The following GRID2 variants were observed in gnomAD, a reference collection of about 807,000 sequenced individuals.
GRID2 encodes the protein glutamate receptor ionotropic, delta-2.
Under a neutral mutation model 114.8 loss-of-function variants are expected in GRID2, and 33 were observed. The observed-to-expected ratio is 0.29, with a 90% CI of 0.22 to 0.38. The LOEUF is 0.38. Ranked by LOEUF, GRID2 falls within the 10% of genes least tolerant of loss-of-function variation. The pLI, the probability that GRID2 is intolerant of heterozygous loss-of-function variation, is 1.00. For missense variants in GRID2, 1,184 were observed against 1,257.7 expected (o/e 0.94, Z 0.89); for synonymous variants, 505 against 449.9 (o/e 1.12, Z -1.55).
chr4:92,984,630 G>T (rs1240184307), intron 2 of GRID2, among the ~76,000 whole-genome samples: 1 of 152,158 alleles, frequency 6.6e-6, no homozygotes, highest in African/African-American at 2.4e-5. Context: ...GGAATCCATG[G>T]CCAAGAGAAG....
chr4:92,314,367 A>T (rs1725860014), intron 1 of GRID2, among the ~76,000 whole-genome samples: 1 of 152,178 alleles, frequency 6.6e-6, no homozygotes. Context: ...GTGGTATTAA[A>T]ATGCATAAAA....
chr4:92,323,300 G>A lies in GRID2; in HGVS notation c.88+18556G>A, dbSNP rs188979620. ...CATAAGTGTATATACATTTTTAAAAGGCTATTTGTTATAGATAATAACTAT... is the reference window on the plus strand; with the variant it reads ...CATAAGTGTATATACATTTTTAAAAAGCTATTTGTTATAGATAATAACTAT... On this transcript the variant is annotated intron_variant, in intron 1 of 15. Transcript: ENST00000282020. Among the ~76,000 whole-genome samples the A allele has an allele frequency of 2.2e-3, 338 of 152,124 alleles. 2 individuals are homozygous for A. Among genetic ancestry groups the A allele is most frequent in the Admixed American group, 4.4e-3 (67 of 15,230 alleles).
chr4:92,329,046 G>A (rs533855709), intron 1 of GRID2, among the ~76,000 whole-genome samples: 8 of 152,042 alleles, frequency 5.3e-5, no homozygotes, highest in African/African-American at 1.7e-4. Flanking sequence ...CTGTGTGCAC[G>A]TGTATATATA....
intron 1 of GRID2, among the ~76,000 whole-genome samples, chr4:92,573,161 T>A (rs1046950874): frequency 4.6e-5 from 7 of 152,166 alleles, no homozygotes; most frequent in Non-Finnish European, 1.0e-4. Context: ...TTGGGGTCAG[T>A]GGTGATATCT....
chr4:92,752,870 T>TA (rs1737520783), intron 2 of GRID2, among the ~76,000 whole-genome samples: 3 of 152,146 alleles, frequency 2.0e-5, no homozygotes, highest in Admixed American at 2.0e-4. Flanking sequence ...CAAGTATGCT[T>TA]AAAAAGGAGA....
intron 1 of GRID2, among the ~76,000 whole-genome samples, chr4:92,577,920 A>G (rs1291142915): frequency 6.6e-6 from 1 of 152,090 alleles, no homozygotes; most frequent in Non-Finnish European, 1.5e-5. Flanking sequence ...GCCAGTGGTG[A>G]ATCACGATGG....
intron 2 of GRID2, among the ~76,000 whole-genome samples, chr4:92,830,929 G>A (rs1254224755): frequency 1.3e-5 from 2 of 152,134 alleles, no homozygotes; most frequent in African/African-American, 2.4e-5. Context: ...AGCCATTCAA[G>A]GCTGCCTATG....
intron 1 of GRID2, among the ~76,000 whole-genome samples, chr4:92,569,742 GT>G (rs377485042): frequency 1.3e-5 from 2 of 151,886 alleles, no homozygotes; most frequent in African/African-American, 4.8e-5. Context: ...CTTTTTTCAT[GT>G]TTTTTGGCTA....
chr4:92,465,963 A>T (rs1189518278), intron 1 of GRID2, among the ~76,000 whole-genome samples: 1 of 151,894 alleles, frequency 6.6e-6, no homozygotes, highest in Admixed American at 6.6e-5. Context: ...TGAGAGTCTC[A>T]CAGCCCCCTT....
chr4:92,720,800 G>A (rs568744085), intron 2 of GRID2, among the ~76,000 whole-genome samples: 1 of 152,102 alleles, frequency 6.6e-6, no homozygotes, highest in South Asian at 2.1e-4. Context: ...ACTACCCTCT[G>A]GGTATATACC....
intron 10 of GRID2, among the ~76,000 whole-genome samples, chr4:93,433,154 T>C (rs1314695459): frequency 6.6e-6 from 1 of 152,232 alleles, no homozygotes; most frequent in African/African-American, 2.4e-5. Flanking sequence ...ATTCACACTT[T>C]CTGCTCAATT....
chr4:93,398,131 G>GTGTGTGTGTGTA lies in GRID2; in HGVS notation c.1347+2426_1347+2427insGTGTGTGTATGT, dbSNP rs1270798969. Among the ~76,000 whole-genome samples the GTGTGTGTGTGTA allele has an allele frequency of 2.5e-3, 275 of 111,522 alleles. 22 individuals carry two copies. The highest frequency in any genetic ancestry group is 0.015 in the African/African-American group (251 of 16,778). The allele number at this position is 111,522 out of a possible 152,430, so 73.2% of individuals were successfully genotyped here. On this transcript the variant is annotated intron_variant, in intron 9 of 15. Transcript: ENST00000282020. ...TTGAAATACATACATGTATGTGTGT[G>GTGTGTGTGTGTA]TGTATATATATATATATATATCTTA...
chr4:92,902,539 T>A (rs762511769), intron 2 of GRID2, among the ~76,000 whole-genome samples: 5 of 152,138 alleles, frequency 3.3e-5, no homozygotes, highest in Non-Finnish European at 7.4e-5. Context: ...ACATTTGCTT[T>A]CCAGGTCTCA....
chr4:92,668,838 GT>G (rs1732912851), intron 2 of GRID2, among the ~76,000 whole-genome samples: 1 of 151,764 alleles, frequency 6.6e-6, no homozygotes, highest in Non-Finnish European at 1.5e-5. Context: ...CAAGTAGTCA[GT>G]ATTTATAATT....
intron 14 of GRID2, among the ~76,000 whole-genome samples, chr4:93,671,169 G>A (rs540478844): frequency 1.5e-4 from 23 of 152,094 alleles, no homozygotes; most frequent in Non-Finnish European, 3.1e-4. Flanking sequence ...AGAGTGCCTC[G>A]TCATGTTTCG....
At chr4:93,329,909 C>T (rs1207402846) in intron 8 of GRID2, among the ~76,000 whole-genome samples, 8 of 122,736 alleles carry the variant, frequency 6.5e-5, no homozygotes, top group South Asian at 5.5e-4. Context: ...AGACTTATTG[C>T]GAAAAAAAAA....
chr4:92,593,842 G>A (rs566794148), intron 2 of GRID2, among the ~76,000 whole-genome samples: 4 of 143,342 alleles, frequency 2.8e-5, no homozygotes, highest in Non-Finnish European at 6.1e-5. Flanking sequence ...AACTCACGAG[G>A]TTTTCTTGAC....
chr4:93,697,165 A>G (rs188905458), intron 14 of GRID2, among the ~76,000 whole-genome samples: 71 of 152,322 alleles, frequency 4.7e-4, no homozygotes, highest in Middle Eastern at 3.4e-3. Context: ...TTTTAATGTG[A>G]CTGTTTTAAT....
chr4:93,331,399 ACCTCTACT>A (rs532429251), intron 8 of GRID2, among the ~76,000 whole-genome samples: 219 of 151,718 alleles, frequency 1.4e-3, no homozygotes, highest in African/African-American at 5.0e-3. Flanking sequence ...GTGGACCCAG[ACCTCTACT>A]CCTCATTCAA....
Sources: allele counts gnomAD v4.1 joint callset (sites outside exome capture counted in the v4.1 genomes callset), GRCh38; gene constraint gnomAD v4.1.1; transcripts MANE v1.5; gene names NCBI Gene and HGNC (gene_info 2026-07-23, HGNC 2026-07-21).